The following PKHD1L1 variants were observed in gnomAD, a reference collection of about 807,000 sequenced individuals.
PKHD1L1 encodes the protein PKHD1 like 1.
In PKHD1L1, 434 loss-of-function variants were observed where a neutral mutation model predicts 462.9. The ratio of observed to expected loss-of-function variants is 0.94; its 90% CI spans 0.87 to 1.02. The LOEUF (loss-of-function observed/expected upper bound fraction) is 1.02. Among genes scored for constraint, PKHD1L1 ranks in the 50% least tolerant of loss-of-function variants. PKHD1L1 has a pLI of 0.00. For missense variants in PKHD1L1, 5,202 were observed against 5,096.1 expected (o/e 1.02, Z -0.63); for synonymous variants, 1,781 against 1,750.0 (o/e 1.02, Z -0.44).
intron 38 of PKHD1L1, among the ~76,000 whole-genome samples, chr8:109,446,588 T>A (rs1423610457): frequency 6.6e-6 from 1 of 152,232 alleles, no homozygotes; most frequent in Non-Finnish European, 1.5e-5. Context: ...GAGTTTGCTG[T>A]CGAAATCTTC....
intron 48 of PKHD1L1, among the ~76,000 whole-genome samples, 156 bp from the exon 49 acceptor site, chr8:109,464,060 T>C (rs1466157908): frequency 1.3e-5 from 2 of 152,064 alleles, no homozygotes; most frequent in Non-Finnish European, 2.9e-5. Flanking sequence ...CATGGTGGGT[T>C]GGGGGTTCAA....
intron 12 of PKHD1L1, 148 bp downstream of exon 12, chr8:109,398,696 G>C (rs1264199806): frequency 2.5e-6 from 1 of 393,528 alleles, no homozygotes; most frequent in African/African-American, 2.1e-5. Context: ...ACATTTTCTG[G>C]ATTAGAAAAT....
Position 109,410,726 on chromosome 8 carries a change from CTTT to C in PKHD1L1, c.2085+767_2085+769del, listed in dbSNP as rs71303459. On this transcript the variant is annotated intron_variant, in intron 19 of 77. Coordinates refer to ENST00000378402, the MANE Select transcript of PKHD1L1 (RefSeq NM_177531.6). ...TTCTTTTTTCTTTTCTTTTCTTTTTCTTTTTTTTTTTTTTTTTTTTTGAGACGG... is the reference window on the plus strand; with the variant it reads ...TTCTTTTTTCTTTTCTTTTCTTTTTCTTTTTTTTTTTTTTTTTTGAGACGG... 3.1e-4 allele frequency among the ~76,000 whole-genome samples: 21 copies of C among 68,388 alleles called. 1 individual carries two copies. Among genetic ancestry groups the C allele is most frequent in the African/African-American group, 3.3e-4 (4 of 12,266 alleles). 44.9% of individuals were successfully genotyped at this position (68,388 alleles called of 152,430 possible). A position where few individuals can be genotyped will look rare whatever the true frequency, so the allele number is the denominator to read the frequency against.
At chr8:109,404,528 T>C (rs1045844667) in intron 14 of PKHD1L1, 26 bp from the exon 15 acceptor site, 3 of 1,397,258 alleles carry the variant, frequency 2.1e-6, no homozygotes, top group Non-Finnish European at 2.9e-6. Flanking sequence ...AAAAAAGTTA[T>C]ATTCATTAGT....
At chr8:109,512,828 G>A (rs1586650601) in intron 71 of PKHD1L1, among the ~76,000 whole-genome samples, 1 of 150,608 alleles carries the variant, frequency 6.6e-6, no homozygotes, top group South Asian at 2.1e-4. Context: ...CTACCCATGA[G>A]CATGGAATGT....
intron 18 of PKHD1L1, among the ~76,000 whole-genome samples, chr8:109,408,826 A>C (rs1280564514): frequency 2.0e-5 from 3 of 152,174 alleles, no homozygotes; most frequent in African/African-American, 4.8e-5. Context: ...TTTTATAAAG[A>C]ACACTTTAAG....
chr8:109,410,705 T>TTTTTC (rs138802186), intron 19 of PKHD1L1, among the ~76,000 whole-genome samples: 12,673 of 113,654 alleles, frequency 0.11, 1,665 homozygotes, highest in East Asian at 0.24. Context: ...GGTATTTTCT[T>TTTTTC]TTTTCTTTTC....
chr8:109,436,133 T>G lies in PKHD1L1; in HGVS notation c.3506-205T>G, dbSNP rs753505434. On this transcript the variant is annotated intron_variant, in intron 29 of 77. Transcript: ENST00000378402. Reference sequence around the variant, plus strand: ...CATTAAATCACTTAGCCCAGCTCATTTATGGTTCTGAGCAAAAGCACCCAG... The same window carrying G: ...CATTAAATCACTTAGCCCAGCTCATGTATGGTTCTGAGCAAAAGCACCCAG... 4.7e-4 allele frequency among the ~76,000 whole-genome samples: 71 copies of G among 152,292 alleles called. 1 individual carries two copies. Among genetic ancestry groups the G allele is most frequent in the Non-Finnish European group, 4.3e-4 (29 of 68,018 alleles).
intron 37 of PKHD1L1, among the ~76,000 whole-genome samples, chr8:109,444,121 C>A (rs1026988273): frequency 5.6e-4 from 73 of 130,404 alleles, no homozygotes; most frequent in Admixed American, 1.5e-3. Flanking sequence ...TACCTCCCCC[C>A]CCCAAAAAAA....
intron 53 of PKHD1L1, among the ~76,000 whole-genome samples, chr8:109,479,208 A>C (rs1032734312): frequency 6.6e-6 from 1 of 152,136 alleles, no homozygotes; most frequent in South Asian, 2.1e-4. Flanking sequence ...CTGTCCTCCC[A>C]TACACTTGAT....
intron 77 of PKHD1L1, among the ~76,000 whole-genome samples, chr8:109,527,989 G>C (rs1031149638): frequency 6.6e-6 from 1 of 152,168 alleles, no homozygotes; most frequent in African/African-American, 2.4e-5. Flanking sequence ...AAGGTACTGA[G>C]AATGGCAGAG....
At chr8:109,427,262 CA>C in intron 25 of PKHD1L1, 106 bp downstream of exon 25, 1 of 897,680 alleles carries the variant, frequency 1.1e-6, no homozygotes, top group Non-Finnish European at 1.7e-6. Context: ...TATAAAAATT[CA>C]AACCATAAAC....
chr8:109,452,034 TGCAATAA>T (rs1554580455), intron 41 of PKHD1L1, 83 bp from the exon 42 acceptor site: 8 of 1,186,276 alleles, frequency 6.7e-6, no homozygotes, highest in Admixed American at 3.3e-5. Context: ...ATTTTTTTTT[TGCAATAA>T]TACATAGGAA....
intron 54 of PKHD1L1, 47 bp from the exon 55 acceptor site, chr8:109,479,944 T>G (rs750464787): frequency 6.7e-7 from 1 of 1,482,502 alleles, no homozygotes; most frequent in East Asian, 2.5e-5. Context: ...TTGCTATAAG[T>G]TGTAGTTTAT....
At chr8:109,485,448 T>C (rs901974962) in intron 58 of PKHD1L1, among the ~76,000 whole-genome samples, 1 of 151,990 alleles carries the variant, frequency 6.6e-6, no homozygotes. Context: ...GAAGCAAGCT[T>C]CCAGGTGATT....
Position 109,442,003 on chromosome 8 carries a change from C to G in PKHD1L1, c.4205-4C>G. 6.4e-7 allele frequency: 1 copy of G among 1,565,816 alleles called. No individual in the cohort carries two copies. Among genetic ancestry groups the G allele is most frequent in the Non-Finnish European group, 8.6e-7 (1 of 1,160,464 alleles). On this transcript the variant is annotated splice_region_variant and splice_polypyrimidine_tract_variant and intron_variant, in intron 34 of 77. Coordinates refer to ENST00000378402, the MANE Select transcript of PKHD1L1 (RefSeq NM_177531.6). ...TTAAAATATTACTCAATTCTTGCCC[C>G]CAGTACATGGATTAGGTTATGCCTG...
At chr8:109,437,160 C>T (rs1214350813) in intron 30 of PKHD1L1, among the ~76,000 whole-genome samples, 8 of 152,062 alleles carry the variant, frequency 5.3e-5, no homozygotes, top group Non-Finnish European at 8.8e-5. Flanking sequence ...GTGATCCACC[C>T]CCCTCAGCCT....
Position 109,404,704 on chromosome 8 carries a change from G to A in PKHD1L1, c.1524G>A (p.Gln508=). The change falls in exon 15 of 78, where the codon CAG becomes CAA. Residue 508 remains glutamine, a synonymous_variant. Coordinates refer to ENST00000378402, the MANE Select transcript of PKHD1L1 (RefSeq NM_177531.6). Reference sequence around the variant, plus strand: ...TCAAATCCCAGTCGACAATCCTCCAGGAAGTACAGGTTTGCTATGATTGCA... The same window carrying A: ...TCAAATCCCAGTCGACAATCCTCCAAGAAGTACAGGTTTGCTATGATTGCA... The part of the protein sequence containing the change: ...QVIKSQSTIL[Q]EVQVITLENW... 6.2e-7 allele frequency: 1 copy of A among 1,601,772 alleles called. No homozygotes were observed. Among genetic ancestry groups the A allele is most frequent in the Non-Finnish European group, 8.5e-7 (1 of 1,174,206 alleles).
At position 109,498,668 on chromosome 8, in the gene PKHD1L1, G is replaced by T; in HGVS notation, c.10725G>T (p.Gly3575=). ...SPRSPSGGRS[G]ICWPTFASAH... is the part of the protein sequence containing the mutation. ...TTTTGGTAAAAGGTGGGAGAAGTGGGATTTGTTGGCCTACCTTTGCTTCAG... is the reference window on the plus strand; with the variant it reads ...TTTTGGTAAAAGGTGGGAGAAGTGGTATTTGTTGGCCTACCTTTGCTTCAG... The change falls in exon 67 of 78, where the codon GGG becomes GGT. Residue 3575 remains glycine (G), a synonymous_variant. Transcript: ENST00000378402. 1 of 1,613,918 alleles carries T rather than the reference G, an allele frequency of 6.2e-7. No homozygotes were observed. Among genetic ancestry groups the T allele is most frequent in the South Asian group, 1.1e-5 (1 of 91,064 alleles).
Sources: gnomAD v4.1 joint callset for allele counts (sites outside exome capture counted in the v4.1 genomes callset) on GRCh38, gnomAD v4.1.1 for gene constraint, MANE v1.5 for transcripts, NCBI Gene and HGNC (gene_info 2026-07-23, HGNC 2026-07-21) for gene names.